ABCG2: variants seen among roughly 807,000 people sequenced by gnomAD.
ABCG2 encodes ATP binding cassette subfamily G member 2 (JR blood group).
A neutral mutation model predicts 73.5 loss-of-function variants in ABCG2; 80 were observed. The observed-to-expected ratio is 1.09, with a 90% CI of 0.91 to 1.31. The LOEUF is 1.31. Ranked by LOEUF, ABCG2 falls within the 50% of genes most tolerant of loss-of-function variation. The probability of loss-of-function intolerance (pLI) is 0.00; values close to 1 mark genes in which losing one functional copy is unlikely to be tolerated. For synonymous variants in ABCG2, 269 were observed against 282.4 expected, an observed-to-expected ratio of 0.95 and a Z score of 0.48; for missense variants, 796 against 786.2, an observed-to-expected ratio of 1.01 and a Z score of -0.15.
chr4:88,143,319 C>G lies in ABCG2; in HGVS notation c.-19-3305G>C, dbSNP rs539381000. ...CATGTATTCAGAAACCAAAATACAC[C>G]AATTCCAACACTAGCAATCACTTCT... On this transcript the variant is annotated intron_variant, in intron 1 of 15. Transcript: ENST00000237612. 9.0e-4 allele frequency among the ~76,000 whole-genome samples: 137 copies of G among 152,200 alleles called. 2 individuals are homozygous for G. Among genetic ancestry groups the G allele is most frequent in the Admixed American group, 8.8e-3 (134 of 15,286 alleles).
In ABCG2 at chr4:88,113,303, C is replaced by A; in HGVS notation, c.1194G>T (p.Gln398His). 1 of 1,612,332 alleles carries A rather than the reference C, an allele frequency of 6.2e-7. No homozygotes were observed. The highest frequency in any genetic ancestry group is 8.5e-7 in the Non-Finnish European group (1 of 1,179,540). Residue 398 changes from glutamine (Q) to histidine (H), a missense_variant and splice_region_variant, in exon 9 of 16, where the codon CAG (glutamine) becomes CAT (histidine). Gln to His is a conservative substitution (Grantham distance 24). Transcript: ENST00000237612. ...TATTTCAAAAGAATCTGCTGGTTACCTGAGCTATAGAGGCCTGGGGATTAC... is the reference window on the plus strand; with the variant it reads ...TATTTCAAAAGAATCTGCTGGTTACATGAGCTATAGAGGCCTGGGGATTAC... ...LLGNPQASIA[Q>H]IIVTVVLGLV...
At chr4:88,200,577 A>C (rs868662524) in intron 1 of ABCG2, among the ~76,000 whole-genome samples, 1 of 152,162 alleles carries the variant, frequency 6.6e-6, no homozygotes, top group Non-Finnish European at 1.5e-5. Flanking sequence ...CAGTGGTGGG[A>C]TCTTGGCTCA....
chr4:88,215,193 G>A (rs1363685130), intron 1 of ABCG2, among the ~76,000 whole-genome samples: 1 of 152,064 alleles, frequency 6.6e-6, no homozygotes, highest in African/African-American at 2.4e-5. Flanking sequence ...AGACCAATGG[G>A]GATAAAGTAT....
intron 9 of ABCG2, 55 bp downstream of exon 9, chr4:88,113,248 G>A: frequency 6.4e-7 from 1 of 1,573,390 alleles, no homozygotes; most frequent in Non-Finnish European, 8.6e-7. Flanking sequence ...TGAAGCAGAT[G>A]ATAACAGAAC....
chr4:88,158,504 A>T lies in ABCG2; in HGVS notation c.-138T>A, dbSNP rs1290283526. On this transcript the variant is annotated 5_prime_UTR_variant, in exon 1 of 16. In the 5' UTR this introduces an upstream ATG that the reference lacks. Transcript: ENST00000237612. ...TGGGATGAGTCACCCGGACCTTCCA[A>T]ACAAACTCTAAAGCAGCAGTTTCCA... 2.2e-6 allele frequency: 1 copy of T among 456,266 alleles called. No individual in the cohort carries two copies. The highest frequency in any genetic ancestry group is 2.0e-5 in the African/African-American group (1 of 50,072). The allele number at this position is 456,266 out of a possible 1,614,324, so 28.3% of individuals were successfully genotyped here.
chr4:88,095,276 C>T (rs979734883), intron 14 of ABCG2, among the ~76,000 whole-genome samples: 3 of 152,304 alleles, frequency 2.0e-5, no homozygotes, highest in Middle Eastern at 3.4e-3. Context: ...ATTAGCCAAT[C>T]TTTCTCCTTT....
chr4:88,192,382 A>G (rs1305613630), intron 1 of ABCG2, among the ~76,000 whole-genome samples: 1 of 152,078 alleles, frequency 6.6e-6, no homozygotes, highest in Non-Finnish European at 1.5e-5. Context: ...CCTAATTTCA[A>G]TGAAGCTATT....
At chr4:88,103,522 A>C (rs1189950821) in intron 10 of ABCG2, among the ~76,000 whole-genome samples, 3 of 152,212 alleles carry the variant, frequency 2.0e-5, no homozygotes, top group Admixed American at 2.0e-4. Flanking sequence ...ATAAGTGTGA[A>C]ATAATTAAAT....
intron 1 of ABCG2, among the ~76,000 whole-genome samples, chr4:88,209,309 CAAAAAAAA>C (rs60027656): frequency 4.9e-5 from 4 of 81,466 alleles, no homozygotes; most frequent in Admixed American, 4.0e-4. Context: ...GACTCCATCT[CAAAAAAAA>C]AAAAAAAAAC....
intron 1 of ABCG2, among the ~76,000 whole-genome samples, chr4:88,140,253 G>A (rs1725540685): frequency 6.6e-6 from 1 of 152,028 alleles, no homozygotes; most frequent in Non-Finnish European, 1.5e-5. Context: ...ATAAGTAAAT[G>A]GGTCCTAATA....
intron 10 of ABCG2, among the ~76,000 whole-genome samples, chr4:88,104,630 G>A (rs931118012): frequency 3.3e-5 from 5 of 149,684 alleles, no homozygotes; most frequent in African/African-American, 7.4e-5. Flanking sequence ...TAGCAAACCT[G>A]CACATCCTGC....
rs571281485 is a variant in ABCG2, at chr4:88,177,335, G to C, written c.-19-37321C>G. Among the ~76,000 whole-genome samples the C allele has an allele frequency of 4.6e-5, 7 of 151,556 alleles. No homozygotes were observed. In the East Asian group the frequency reaches 1.2e-3, roughly 25 times the overall value. ...CTTACAGTGAGCCGAGATTGGCCAC[G>C]GCACTCCAGCCTGGGCGACAGAGCG... is the stretch of plus-strand genomic sequence containing the variant. On this transcript the variant is annotated intron_variant, in intron 1 of 15. Transcript: ENST00000515655.
chr4:88,219,246 G>C (rs1373870008), intron 1 of ABCG2, among the ~76,000 whole-genome samples: 1 of 152,142 alleles, frequency 6.6e-6, no homozygotes, highest in Non-Finnish European at 1.5e-5. Flanking sequence ...TCAGTACACT[G>C]TTCCGCAAGT....
chr4:88,214,692 CA>C (rs894526744), intron 1 of ABCG2, among the ~76,000 whole-genome samples: 5 of 150,122 alleles, frequency 3.3e-5, no homozygotes, highest in Admixed American at 6.6e-5. Context: ...CCCATCTCTA[CA>C]AAAAAAAGTT....
chr4:88,117,204 G>T (rs1723636357), intron 7 of ABCG2, among the ~76,000 whole-genome samples: 1 of 152,000 alleles, frequency 6.6e-6, no homozygotes, highest in Non-Finnish European at 1.5e-5. Flanking sequence ...TGTGTCTATA[G>T]TCCCAGCTGC....
intron 1 of ABCG2, among the ~76,000 whole-genome samples, chr4:88,171,889 C>T (rs540211931): frequency 6.6e-6 from 1 of 152,136 alleles, no homozygotes; most frequent in Admixed American, 6.6e-5. Context: ...AAGGTCGAAG[C>T]AGGAGGATCA....
At position 88,092,012 on chromosome 4, in the gene ABCG2, G is replaced by C. The variant is rs1225622428; in HGVS notation, c.*222C>G. On this transcript the variant is annotated 3_prime_UTR_variant, in exon 16 of 16. Transcript: ENST00000237612. ...ACCAGATTTCTTCCCCATGGTTACT[G>C]TCTGAGGAGATTAACTAATATGCGA... The C allele has an allele frequency of 4.6e-6, 2 of 436,168 alleles. No homozygotes were observed. Among genetic ancestry groups the C allele is most frequent in the African/African-American group, 4.0e-5 (2 of 49,790 alleles). 27.0% of individuals were successfully genotyped at this position (436,168 alleles called of 1,614,324 possible).
At chr4:88,098,498 A>G (rs1451281089) in intron 12 of ABCG2, among the ~76,000 whole-genome samples, 2 of 151,554 alleles carry the variant, frequency 1.3e-5, no homozygotes, top group Non-Finnish European at 1.5e-5. Flanking sequence ...TTAAAGAAGC[A>G]GGGATGGGTA....
intron 1 of ABCG2, among the ~76,000 whole-genome samples, chr4:88,190,330 G>T (rs745458992): frequency 6.6e-6 from 1 of 152,100 alleles, no homozygotes; most frequent in Non-Finnish European, 1.5e-5. Context: ...TGTTCTATCT[G>T]AACTCATCAG....
Sources: gnomAD v4.1 joint callset for allele counts (sites outside exome capture counted in the v4.1 genomes callset) on GRCh38, gnomAD v4.1.1 for gene constraint, MANE v1.5 for transcripts, NCBI Gene and HGNC (gene_info 2026-07-23, HGNC 2026-07-21) for gene names.